Variants in MASP2 observed in about 807,000 individuals in gnomAD.
MASP2 encodes MBL associated serine protease 2, also known as mannan-binding lectin serine protease 2.
MASP2 carries 49 observed loss-of-function variants against 57.1 expected under a neutral mutation model. The ratio of observed to expected loss-of-function variants is 0.86; its 90% confidence interval spans 0.68 to 1.09. MASP2 has a LOEUF of 1.09. Ranked by LOEUF, MASP2 falls within the 50% of genes least tolerant of loss-of-function variation. The pLI, the probability that MASP2 is intolerant of heterozygous loss-of-function variation, is 0.00. For missense variants in MASP2, 900 were observed against 874.8 expected (o/e 1.03, Z -0.36); for synonymous variants, 379 against 340.8 (o/e 1.11, Z -1.24).
intron 6 of MASP2, among the ~76,000 whole-genome samples, chr1:11,038,530 C>T (rs972517090): frequency 6.6e-6 from 1 of 152,210 alleles, no homozygotes; most frequent in Non-Finnish European, 1.5e-5. Context: ...GGCTTCAGTG[C>T]TCCCCAGCTG....
rs199953319 is a variant in MASP2, at chr1:11,027,632, G to A, written c.1314C>T (p.Ala438=). 1.7e-4 allele frequency: 281 copies of A among 1,605,742 alleles called. 1 individual carries two copies. The highest frequency in any genetic ancestry group is 2.7e-5 in the Non-Finnish European group (32 of 1,175,822). The change falls in exon 11 of 11, where the codon GCC becomes GCT. Residue 438 remains alanine, a synonymous_variant. Transcript: ENST00000400897. ...PVCEPVCGLS[A]RTTGGRIYGG... ...CATATATACGCCCTCCTGTTGTGCG[G>A]GCTGATAGTCCACAAACTGGAGAAA...
Position 11,041,599 on chromosome 1 carries a change from G to GTGGATGGA in MASP2, c.889+1268_889+1275dup, listed in dbSNP as rs555313272. On this transcript the variant is annotated intron_variant, in intron 6 of 10. Coordinates refer to ENST00000400897, the MANE Select transcript of MASP2 (RefSeq NM_006610.4). ...AAGTGGGTGGGTGGGTGGATGGATG[G>GTGGATGGA]TGGATGGATGGATGGATGGATGGAT... 2.9e-3 allele frequency among the ~76,000 whole-genome samples: 346 copies of GTGGATGGA among 117,594 alleles called. 1 individual carries two copies. Among genetic ancestry groups the GTGGATGGA allele is most frequent in the East Asian group, 8.7e-3 (29 of 3,350 alleles). The allele number at this position is 117,594 out of a possible 152,430, so 77.1% of individuals were successfully genotyped here.
Position 11,039,650 on chromosome 1 carries a change from G to A in MASP2, c.890-1839C>T, listed in dbSNP as rs976191623. ...GGGTGGATATATAGGTGGATGGGTG[G>A]ATGGATGAATGGATGCATGGATGGA... On this transcript the variant is annotated intron_variant, in intron 6 of 10. Transcript: ENST00000400897. Among the ~76,000 whole-genome samples, 16 of 150,340 alleles carry A rather than the reference G, an allele frequency of 1.1e-4. No homozygotes were observed. In the Admixed American group the frequency reaches 1.1e-3, roughly 10 times the overall value.
intron 8 of MASP2, among the ~76,000 whole-genome samples, chr1:11,034,298 C>CTTCCCTA (rs1438980488): frequency 2.7e-5 from 4 of 149,870 alleles, no homozygotes; most frequent in South Asian, 4.2e-4. Flanking sequence ...AAGCACATAC[C>CTTCCCTA]TTCCCTAGTA....
At chr1:11,036,521 AAAAAAAAAAAAAAAAAC>A (rs61713515) in intron 7 of MASP2, among the ~76,000 whole-genome samples, 1,318 of 131,724 alleles carry the variant, frequency 0.01, 33 homozygotes, top group African/African-American at 0.047. Flanking sequence ...AAAAAAAAAA[AAAAAAAAAAAAAAAAAC>A]AAAAAAAAAA....
intron 8 of MASP2, among the ~76,000 whole-genome samples, chr1:11,032,000 C>T (rs572286655): frequency 2.0e-5 from 3 of 152,070 alleles, no homozygotes; most frequent in Non-Finnish European, 2.9e-5. Context: ...TCACTGGGCA[C>T]GGCTCACACG....
chr1:11,032,480 G>A (rs953535310), intron 8 of MASP2, among the ~76,000 whole-genome samples: 3 of 151,868 alleles, frequency 2.0e-5, no homozygotes, highest in East Asian at 1.9e-4. Context: ...GTGTGGTGGC[G>A]GGCGCCTGTA....
intron 8 of MASP2, among the ~76,000 whole-genome samples, chr1:11,033,942 C>A (rs536850259): frequency 2.3e-4 from 11 of 47,986 alleles, no homozygotes; most frequent in Admixed American, 8.4e-4. Flanking sequence ...CACACACACA[C>A]ACACACACAC....
chr1:11,037,665 G>T, intron 7 of MASP2, 28 bp downstream of exon 7: 1 of 1,378,822 alleles, frequency 7.3e-7, no homozygotes, highest in Non-Finnish European at 1.0e-6. Context: ...AATCGTCATT[G>T]ATCGTGGTGT....
At chr1:11,037,921 G>A (rs1638303509) in intron 6 of MASP2, 110 bp from the exon 7 acceptor site, 1 of 581,138 alleles carries the variant, frequency 1.7e-6, no homozygotes. Context: ...CATGTAAAGA[G>A]AGCTCACCAT....
At chr1:11,036,460 C>T (rs1433753286) in intron 7 of MASP2, among the ~76,000 whole-genome samples, 63 of 129,842 alleles carry the variant, frequency 4.9e-4, no homozygotes, top group Non-Finnish European at 8.6e-4. Flanking sequence ...GCCGAGATTG[C>T]GCCACTGCAG....
intron 7 of MASP2, 66 bp from the exon 8 acceptor site, chr1:11,034,972 G>A (rs1313189557): frequency 1.7e-6 from 2 of 1,169,138 alleles, no homozygotes; most frequent in Non-Finnish European, 2.5e-6. Context: ...CCAAAGCTGT[G>A]CTCTCACAGC....
chr1:11,044,766 A>ACCCACC, intron 4 of MASP2: 1 of 994,432 alleles, frequency 1.0e-6, no homozygotes, highest in Non-Finnish European at 1.4e-6. Context: ...CCGCCTCCCG[A>ACCCACC]CCCTCCCACC....
chr1:11,043,208 T>C (rs188819221), intron 5 of MASP2, 131 bp downstream of exon 5: 5 of 984,106 alleles, frequency 5.1e-6, no homozygotes, highest in Admixed American at 2.4e-5. Flanking sequence ...TGGACCTCCA[T>C]AGAGCACCTG....
At chr1:11,028,846 T>C (rs1242565582) in intron 10 of MASP2, among the ~76,000 whole-genome samples, 15 of 151,614 alleles carry the variant, frequency 9.9e-5, no homozygotes, top group Admixed American at 3.3e-4. Context: ...CCTGAGTAGC[T>C]GGGACTACAG....
chr1:11,038,745 C>T (rs1050413899), intron 6 of MASP2, among the ~76,000 whole-genome samples: 1 of 152,166 alleles, frequency 6.6e-6, no homozygotes, highest in Non-Finnish European at 1.5e-5. Context: ...CCTTGGTGGA[C>T]CTGTGGAGGC....
intron 6 of MASP2, 93 bp from the exon 7 acceptor site, chr1:11,037,904 T>C: frequency 1.5e-6 from 1 of 666,850 alleles, no homozygotes. Context: ...TTATAAAGAA[T>C]ACTTAACATG....
chr1:11,031,343 G>A (rs948272715), intron 8 of MASP2, among the ~76,000 whole-genome samples: 1 of 151,274 alleles, frequency 6.6e-6, no homozygotes, highest in Non-Finnish European at 1.5e-5. Context: ...CTAACACGGT[G>A]AAACCCCGTC....
In MASP2 at chr1:11,047,051, G is replaced by A; in HGVS notation, c.74C>T (p.Pro25Leu). 1 of 1,551,058 alleles carries A rather than the reference G, an allele frequency of 6.4e-7. No homozygotes were observed. Residue 25 changes from proline (P) to leucine (L), a missense_variant, in exon 2 of 11, where the codon CCT (proline) becomes CTT (leucine). Transcript: ENST00000400897. ...ATPLGPKWPE[P>L]VFGRLASPGF... ...GGGGGATGCCAGGCGCCCGAACACA[G>A]GTTCAGGCCACTTCGGGCCCAAGGG...
Sources: allele counts gnomAD v4.1 joint callset (sites outside exome capture counted in the v4.1 genomes callset), GRCh38; gene constraint gnomAD v4.1.1; transcripts MANE v1.5; gene names NCBI Gene and HGNC (gene_info 2026-07-23, HGNC 2026-07-21).